Variants in B4GALNT3 observed in about 807,000 individuals in gnomAD.
B4GALNT3 encodes the protein beta-1,4-N-acetyl-galactosaminyltransferase 3, also known as beta-1,4-N-acetylgalactosaminyltransferase 3.
A neutral mutation model predicts 120.2 loss-of-function variants in B4GALNT3; 86 were observed. The ratio of observed to expected loss-of-function variants is 0.72; its 90% CI spans 0.60 to 0.86. B4GALNT3 has a LOEUF of 0.86. B4GALNT3 is among the 40% of genes least tolerant of loss of function. B4GALNT3 has a pLI of 0.00. For missense variants in B4GALNT3, 1,167 were observed against 1,298.9 expected (o/e 0.90, Z 1.56); for synonymous variants, 518 against 510.4 (o/e 1.01, Z -0.20).
intron 1 of B4GALNT3, among the ~76,000 whole-genome samples, chr12:464,242 T>A (rs1378470423): frequency 6.6e-6 from 1 of 152,228 alleles, no homozygotes; most frequent in Non-Finnish European, 1.5e-5. Context: ...AAATTGTTAT[T>A]GGAAGTTAAA....
chr12:548,078 G>C lies in B4GALNT3; in HGVS notation c.762G>C (p.Glu254Asp), dbSNP rs77079055. The C allele has an allele frequency of 4.2e-4, 680 of 1,613,916 alleles. 9 individuals carry two copies. In the East Asian group the frequency reaches 0.015, roughly 35 times the overall value. The change falls in exon 8 of 20, where the codon GAG becomes GAC. Residue 254 changes from glutamate to aspartate, a missense_variant. Coordinates refer to ENST00000266383, the MANE Select transcript of B4GALNT3 (RefSeq NM_173593.4). This position sits in a 1 kb window ranked among gnomAD's most constrained non-coding sequence, Gnocchi z 4.9. ...YFEVLHKQNE[E>D]GTDHVEVAWR... The stretch of plus-strand genomic sequence containing the variant: ...AGGTGCTGCACAAGCAGAATGAGGA[G>C]GGCACCGACCACGTGGAAGTTGCAG...
chr12:475,307 T>C (rs1172925227), intron 1 of B4GALNT3, among the ~76,000 whole-genome samples: 1 of 152,220 alleles, frequency 6.6e-6, no homozygotes, highest in Non-Finnish European at 1.5e-5. Flanking sequence ...GTGCCTGGTA[T>C]GTTCTTGGAG....
chr12:504,312 C>CAAAA (rs201713327), intron 1 of B4GALNT3, among the ~76,000 whole-genome samples: 10 of 111,748 alleles, frequency 8.9e-5, no homozygotes, highest in East Asian at 5.2e-4. Flanking sequence ...CACAATTTTT[C>CAAAA]AAAAAAAAAA....
intron 1 of B4GALNT3, among the ~76,000 whole-genome samples, chr12:462,526 CT>C (rs1167530031): frequency 6.6e-6 from 1 of 151,640 alleles, no homozygotes; most frequent in East Asian, 1.9e-4. Context: ...AACTCTCTGA[CT>C]GGGTTTCCTT....
rs946874722 is a variant in B4GALNT3, at chr12:540,957, A to G, written c.352-3382A>G. Among the ~76,000 whole-genome samples, 7 of 152,074 alleles carry G rather than the reference A, an allele frequency of 4.6e-5. No individual in the cohort carries two copies. The East Asian group carries it at 1.4e-3, about 29-fold the overall frequency. On this transcript the variant is annotated intron_variant, in intron 3 of 19. Transcript: ENST00000266383. ...ATGGGGTTTCACCATGTTAGCCAGGATGGTCTCGATCTCCTGACCTCGTGA... is the reference window on the plus strand; with the variant it reads ...ATGGGGTTTCACCATGTTAGCCAGGGTGGTCTCGATCTCCTGACCTCGTGA...
Position 548,246 on chromosome 12 carries a change from C to G in B4GALNT3, c.802C>G (p.Pro268Ala). The G allele has an allele frequency of 6.2e-7, 1 of 1,614,092 alleles. No individual in the cohort carries two copies. The part of the protein sequence containing the change: ...HVEVAWRRND[P>A]GAKFTIIDSL... Reference sequence around the variant, plus strand: ...CCTCTTCCAGTGGCGACGGAACGACCCTGGAGCCAAGTTCACCATCATTGA... The same window carrying G: ...CCTCTTCCAGTGGCGACGGAACGACGCTGGAGCCAAGTTCACCATCATTGA... The change falls in exon 9 of 20, where the codon CCT (proline) becomes GCT (alanine). Residue 268 changes from proline (P) to alanine (A), a missense_variant. By Grantham distance (27) the Pro-to-Ala change is conservative. Coordinates refer to ENST00000266383, the MANE Select transcript of B4GALNT3 (RefSeq NM_173593.4). This position sits in a 1 kb window ranked among gnomAD's most constrained non-coding sequence, Gnocchi z 4.9.
intron 3 of B4GALNT3, chr12:543,225 G>C (rs1229795292): frequency 7.8e-7 from 1 of 1,283,000 alleles, no homozygotes; most frequent in African/African-American, 1.5e-5. Context: ...AGAAGTGCTG[G>C]GTGCTGGGCT....
chr12:553,942 C>A lies in B4GALNT3; in HGVS notation c.2019C>A (p.Val673=), dbSNP rs761835168. 4 of 1,613,872 alleles carry A rather than the reference C, an allele frequency of 2.5e-6. No homozygotes were observed. Among genetic ancestry groups the A allele is most frequent in the Non-Finnish European group, 3.4e-6 (4 of 1,179,906 alleles). Residue 673 remains valine (V), a synonymous_variant, in exon 14 of 20, where the codon GTC becomes GTA. Transcript: ENST00000266383. ...LLLPEQEALE[V]TRVFLKKLNQ... ...TTCCAGAGCAGGAAGCTCTGGAGGT[C>A]ACGCGAGTCTTCTTGAAGAAGCTCA...
Position 552,182 on chromosome 12 carries a change from G to A in B4GALNT3, c.1208+19G>A. ...AAGACCGGTGAGAGACACTGAGTGG[G>A]GCAGGAAGGTGACCTTGCAGAGGGC... On this transcript the variant is annotated intron_variant, in intron 12 of 19. Coordinates refer to ENST00000266383, the MANE Select transcript of B4GALNT3 (RefSeq NM_173593.4). 2 of 1,577,986 alleles carry A rather than the reference G, an allele frequency of 1.3e-6. No individual in the cohort carries two copies. Among genetic ancestry groups the A allele is most frequent in the Non-Finnish European group, 1.7e-6 (2 of 1,147,310 alleles).
At chr12:511,790 C>G (rs201505672) in intron 1 of B4GALNT3, among the ~76,000 whole-genome samples, 4 of 87,542 alleles carry the variant, frequency 4.6e-5, no homozygotes, top group Admixed American at 9.5e-5. Flanking sequence ...TTCCACCTTC[C>G]ACCTTCCACC....
chr12:551,059 G>A, intron 11 of B4GALNT3, 28 bp downstream of exon 11: 1 of 1,545,590 alleles, frequency 6.5e-7, no homozygotes, highest in Non-Finnish European at 8.9e-7. Flanking sequence ...GTCATGGAGA[G>A]CAGGGCTGGC....
chr12:553,308 C>T lies in B4GALNT3; in HGVS notation c.1385C>T (p.Thr462Ile). 6.2e-7 allele frequency: 1 copy of T among 1,613,690 alleles called. No homozygotes were observed. Among genetic ancestry groups the T allele is most frequent in the Non-Finnish European group, 8.5e-7 (1 of 1,180,038 alleles). Residue 462 changes from threonine (T) to isoleucine (I), a missense_variant, in exon 14 of 20, where the codon ACC (threonine) becomes ATC (isoleucine). By Grantham distance (89) the Thr-to-Ile change is moderately conservative (BLOSUM62 -1). Transcript: ENST00000266383. ...MLEGRQTPAS[T>I]LEQDATDYRL... ...GAGGGAAGACAGACACCTGCCTCCACCCTGGAGCAAGATGCCACTGACTAC... is the reference window on the plus strand; with the variant it reads ...GAGGGAAGACAGACACCTGCCTCCATCCTGGAGCAAGATGCCACTGACTAC...
chr12:465,604 A>G (rs1196595532), intron 1 of B4GALNT3, among the ~76,000 whole-genome samples: 2 of 151,972 alleles, frequency 1.3e-5, no homozygotes, highest in East Asian at 3.9e-4. Flanking sequence ...CCTTACCCAT[A>G]TTTAGAGTCT....
chr12:484,296 G>A (rs1946269833), intron 1 of B4GALNT3, among the ~76,000 whole-genome samples: 1 of 152,176 alleles, frequency 6.6e-6, no homozygotes, highest in Admixed American at 6.5e-5. Context: ...TGAGATGTAA[G>A]AGATACGAAG....
Position 543,006 on chromosome 12 carries a change from C to T in B4GALNT3, c.352-1333C>T, listed in dbSNP as rs117860666. 187 of 841,150 alleles carry T rather than the reference C, an allele frequency of 2.2e-4. 2 individuals are homozygous for T. The East Asian group carries it at 0.011, about 50-fold the overall frequency. The allele number at this position is 841,150 out of a possible 1,614,324, so 52.1% of individuals were successfully genotyped here. A position where few individuals can be genotyped will look rare whatever the true frequency, so the allele number is the denominator to read the frequency against. On this transcript the variant is annotated intron_variant, in intron 3 of 19. Coordinates refer to ENST00000266383, the MANE Select transcript of B4GALNT3 (RefSeq NM_173593.4). ...GGATGGGGAGGGGAGGAGAGCAAGT[C>T]TTTCCTGAAACCCCAGCCGGCTCCT...
rs750454969 is a variant in B4GALNT3, at chr12:553,402, GA to G, written c.1481del (p.Asn494ThrfsTer45). On this transcript the variant is annotated frameshift_variant, in exon 14 of 20. Coordinates refer to ENST00000266383, the MANE Select transcript of B4GALNT3 (RefSeq NM_173593.4). LOFTEE classifies it high-confidence loss of function. ...GCCTGCTGGCCCCCTTCTCCAAGCG[GA>G]ACTCCACAGCGTCCTTCCCAGGGAG... ...EGLLAPFSKR[N>X]STASFPGRTS... 3.7e-6 allele frequency: 6 copies of G among 1,613,760 alleles called. No individual in the cohort carries two copies. The South Asian group carries it at 6.6e-5, about 18-fold the overall frequency.
intron 12 of B4GALNT3, 31 bp from the exon 13 acceptor site, chr12:552,436 G>A (rs761859975): frequency 1.2e-6 from 2 of 1,602,772 alleles, no homozygotes; most frequent in East Asian, 2.2e-5. Context: ...CATGCACCGG[G>A]TGCCAATGCA....
At chr12:475,614 G>A (rs1290640815) in intron 1 of B4GALNT3, among the ~76,000 whole-genome samples, 2 of 151,994 alleles carry the variant, frequency 1.3e-5, no homozygotes, top group African/African-American at 4.8e-5. Context: ...CCCTCTGCTT[G>A]TCTTTCAAAA....
rs1592061798 is a variant in B4GALNT3 at position 561,360 on chromosome 12, T to C, written c.2906T>C (p.Leu969Pro). 6.2e-7 allele frequency: 1 copy of C among 1,613,950 alleles called. No homozygotes were observed. Among genetic ancestry groups the C allele is most frequent in the East Asian group, 2.2e-5 (1 of 44,894 alleles). Reference protein sequence around the residue: ...ELLDRILQAGLDVERLSLRNF... With the variant: ...ELLDRILQAGPDVERLSLRNF... ...TCCTCCAGGATACTCCAAGCGGGCC[T>C]GGACGTGGAGCGTCTCTCCCTCAGG... The change falls in exon 20 of 20, where the codon CTG (leucine) becomes CCG (proline). Residue 969 changes from leucine to proline, a missense_variant. Transcript: ENST00000266383.
Sources: gnomAD v4.1 joint callset for allele counts (sites outside exome capture counted in the v4.1 genomes callset) on GRCh38, gnomAD v4.1.1 for gene constraint, Gnocchi (gnomAD v3.1) non-coding constraint, MANE v1.5 for transcripts, NCBI Gene and HGNC (gene_info 2026-07-23, HGNC 2026-07-21) for gene names.